The following HMOX2 variants were observed in gnomAD, a reference collection of about 807,000 sequenced individuals.
HMOX2 encodes the protein heme oxygenase 2, also known as heme oxygenase (decycling) 2.
A neutral mutation model predicts 33.7 loss-of-function variants in HMOX2; 30 were observed. That is an observed-to-expected ratio of 0.89 (90% CI 0.67 to 1.21). HMOX2 has a LOEUF of 1.21. Ranked by LOEUF, HMOX2 falls within the 50% of genes most tolerant of loss-of-function variation. The pLI is 0.00. For synonymous variants in HMOX2, 155 were observed against 155.0 expected (o/e 1.00, Z 0.00); for missense variants, 403 against 399.1 (o/e 1.01, Z -0.08).
chr16:4,487,273 G>A (rs940919964), intron 1 of HMOX2, among the ~76,000 whole-genome samples: 1 of 151,938 alleles, frequency 6.6e-6, no homozygotes, highest in African/African-American at 2.4e-5. Context: ...AAAAAAAGAA[G>A]TTGGGCACAG....
Position 4,505,623 on chromosome 16 carries a change from G to A in HMOX2, c.86+13G>A. 1 of 1,564,594 alleles carries A rather than the reference G, an allele frequency of 6.4e-7. No homozygotes were observed. Among genetic ancestry groups the A allele is most frequent in the Non-Finnish European group, 8.7e-7 (1 of 1,147,620 alleles). On this transcript the variant is annotated intron_variant, in intron 2 of 5. Transcript: ENST00000570646. ...AGAACCAAATGAGGTGAGCGATGGG[G>A]GCTGGCTGCACTGAATCAGGTGGGC...
At chr16:4,477,940 T>C (rs1189180420) in intron 1 of HMOX2, among the ~76,000 whole-genome samples, 2 of 151,892 alleles carry the variant, frequency 1.3e-5, no homozygotes, top group Non-Finnish European at 2.9e-5. Context: ...AAAAATAAAT[T>C]ATCACAAGAC....
chr16:4,487,158 C>T (rs1299817482), intron 1 of HMOX2, among the ~76,000 whole-genome samples: 1 of 151,938 alleles, frequency 6.6e-6, no homozygotes, highest in African/African-American at 2.4e-5. Flanking sequence ...GCTCGAGAGG[C>T]TAAGTTGGAA....
Position 4,507,988 on chromosome 16 carries a change from T to C in HMOX2, c.480T>C (p.Asp160=), listed in dbSNP as rs1156520946. 6.2e-7 allele frequency: 1 copy of C among 1,613,430 alleles called. No homozygotes were observed. Among genetic ancestry groups the C allele is most frequent in the Non-Finnish European group, 8.5e-7 (1 of 1,179,854 alleles). ...ATGCATACACCCGCTACATGGGGGA[T>C]CTCTCGGGGGGCCAGGTGCTGAAGA... ...VAHAYTRYMG[D]LSGGQVLKKV... The change falls in exon 4 of 6, where the codon GAT becomes GAC. Residue 160 remains aspartate (D), a synonymous_variant. Transcript: ENST00000570646.
intron 1 of HMOX2, among the ~76,000 whole-genome samples, chr16:4,492,078 T>C (rs988188906): frequency 2.0e-5 from 3 of 152,096 alleles, no homozygotes; most frequent in African/African-American, 7.2e-5. Context: ...GTGTGGTGCC[T>C]CCTGACTGTA....
At chr16:4,479,200 C>T (rs2057951507) in intron 1 of HMOX2, among the ~76,000 whole-genome samples, 1 of 152,014 alleles carries the variant, frequency 6.6e-6, no homozygotes, top group Admixed American at 6.6e-5. Context: ...GATGCTAGCA[C>T]ATACCTGTAA....
At chr16:4,504,663 C>G (rs1466561111) in intron 1 of HMOX2, among the ~76,000 whole-genome samples, 2 of 117,632 alleles carry the variant, frequency 1.7e-5, no homozygotes, top group African/African-American at 6.5e-5. Context: ...TCTGGCCTAA[C>G]TTTTAATTTT....
intron 1 of HMOX2, among the ~76,000 whole-genome samples, chr16:4,501,881 T>C (rs547549758): frequency 6.6e-6 from 1 of 152,286 alleles, no homozygotes; most frequent in East Asian, 1.9e-4. Context: ...GGGTTGAATA[T>C]GCTAACCGAG....
chr16:4,477,380 C>T (rs1330384617), intron 1 of HMOX2, among the ~76,000 whole-genome samples: 1 of 150,278 alleles, frequency 6.7e-6, no homozygotes, highest in Non-Finnish European at 1.5e-5. Flanking sequence ...GAGCCTGTAG[C>T]TCCAGCTACT....
At chr16:4,476,882 CAG>C (rs1319338848) in intron 1 of HMOX2, among the ~76,000 whole-genome samples, 1 of 152,198 alleles carries the variant, frequency 6.6e-6, no homozygotes, top group African/African-American at 2.4e-5. Flanking sequence ...GCGGTGCAGA[CAG>C]GGGATGCCGG....
intron 1 of HMOX2, among the ~76,000 whole-genome samples, chr16:4,485,628 C>G (rs996238990): frequency 7.2e-5 from 11 of 152,172 alleles, no homozygotes; most frequent in African/African-American, 2.7e-4. Context: ...TTAGAGCACT[C>G]AGGGTCTTAC....
rs371031811 is a variant in HMOX2, at chr16:4,482,030, C to T, written c.-42+5543C>T. Among the ~76,000 whole-genome samples, 10 of 152,300 alleles carry T rather than the reference C, an allele frequency of 6.6e-5. No individual in the cohort carries two copies. The East Asian group carries it at 1.3e-3, about 21-fold the overall frequency. On this transcript the variant is annotated intron_variant, in intron 1 of 5. Coordinates refer to ENST00000570646, the MANE Select transcript of HMOX2 (RefSeq NM_002134.4). ...ACCTAGAAGACATTAAACCTTTACT[C>T]TCTTCTTTTTATGTAGGAAGGCAGA...
At chr16:4,479,766 T>C (rs1011061454) in intron 1 of HMOX2, among the ~76,000 whole-genome samples, 1 of 130,040 alleles carries the variant, frequency 7.7e-6, no homozygotes, top group Non-Finnish European at 1.6e-5. Context: ...TTTGAGACAG[T>C]CTTGCTCTGT....
intron 1 of HMOX2, among the ~76,000 whole-genome samples, chr16:4,493,456 C>T (rs960522367): frequency 6.6e-6 from 1 of 152,202 alleles, no homozygotes; most frequent in Non-Finnish European, 1.5e-5. Flanking sequence ...TTCTCATACC[C>T]ACCTTGTGGA....
At chr16:4,508,948 G>A (rs2058761526) in intron 4 of HMOX2, among the ~76,000 whole-genome samples, 1 of 152,196 alleles carries the variant, frequency 6.6e-6, no homozygotes, top group Non-Finnish European at 1.5e-5. Context: ...GCTAGGGAGG[G>A]AAGACCATCA....
intron 1 of HMOX2, among the ~76,000 whole-genome samples, chr16:4,484,108 G>A (rs1250330097): frequency 6.6e-6 from 1 of 151,040 alleles, no homozygotes; most frequent in East Asian, 2.0e-4. Flanking sequence ...CCGAGTAGCT[G>A]GGACTACAGG....
chr16:4,490,683 G>T (rs1399730215), intron 1 of HMOX2, among the ~76,000 whole-genome samples: 1 of 152,200 alleles, frequency 6.6e-6, no homozygotes, highest in African/African-American at 2.4e-5. Context: ...GTGCCAAGCT[G>T]CCTCTAATAG....
chr16:4,507,337 T>C (rs951040063), intron 3 of HMOX2, among the ~76,000 whole-genome samples: 5 of 151,496 alleles, frequency 3.3e-5, no homozygotes, highest in Non-Finnish European at 5.9e-5. Context: ...CCCAGCTACT[T>C]GGGAGGCTGA....
At chr16:4,476,169 C>T (rs1205801496), upstream of HMOX2, 1 of 152,256 alleles carries the variant, frequency 6.6e-6, no homozygotes, top group Admixed American at 6.5e-5. Flanking sequence ...AGTGCTCAAC[C>T]CTGAGGCACC....
Sources: allele counts gnomAD v4.1 joint callset (sites outside exome capture counted in the v4.1 genomes callset), GRCh38; gene constraint gnomAD v4.1.1; transcripts MANE v1.5; gene names NCBI Gene and HGNC (gene_info 2026-07-23, HGNC 2026-07-21).